Variants in RFTN2 observed in about 807,000 individuals in gnomAD.
The protein encoded by RFTN2 is raftlin-2.
In RFTN2, 34 loss-of-function variants were observed where a neutral mutation model predicts 52.7. The observed-to-expected ratio is 0.64, with a 90% CI of 0.49 to 0.86. RFTN2 has a LOEUF of 0.86. RFTN2 is among the 40% of genes least tolerant of loss of function. The pLI is 0.00. For synonymous variants in RFTN2, 203 were observed against 217.7 expected (o/e 0.93, Z 0.59); for missense variants, 536 against 600.1 (o/e 0.89, Z 1.12).
chr2:197,662,647 C>T (rs13394214), intron 1 of RFTN2, among the ~76,000 whole-genome samples: 107,566 of 151,778 alleles, frequency 0.71, 38,802 homozygotes, highest in Middle Eastern at 0.86. Context: ...GAAAATGACA[C>T]TGGTATTTTG....
At chr2:197,600,728 T>C (rs771211290) in intron 7 of RFTN2, among the ~76,000 whole-genome samples, 3 of 152,184 alleles carry the variant, frequency 2.0e-5, no homozygotes, top group Non-Finnish European at 4.4e-5. Context: ...ACATCTCTTA[T>C]TCCCTACAAA....
rs1460091144 is a variant in RFTN2 at position 197,568,445 on chromosome 2, CTGG to C, written c.*3560_*3562del. ...CTCAGAACTTAAATATCTGACAGAC[CTGG>C]TTCTGCAAACTTTGCACTATTACAC... On this transcript the variant is annotated 3_prime_UTR_variant, in exon 9 of 9. Transcript: ENST00000295049. The C allele has an allele frequency of 6.6e-6, 1 of 152,126 alleles. No individual in the cohort carries two copies. Among genetic ancestry groups the C allele is most frequent in the Non-Finnish European group, 1.5e-5 (1 of 68,012 alleles). 9.4% of individuals were successfully genotyped at this position (152,126 alleles called of 1,614,324 possible).
rs2087288460 is a variant in RFTN2, at chr2:197,569,886, T to TAAGCCGAGATTGCAGC, written c.*2106_*2121dup. 8.4e-6 allele frequency: 1 copy of TAAGCCGAGATTGCAGC among 118,828 alleles called. No individual in the cohort carries two copies. Among genetic ancestry groups the TAAGCCGAGATTGCAGC allele is most frequent in the Non-Finnish European group, 1.6e-5 (1 of 62,510 alleles). The allele number at this position is 118,828 out of a possible 1,614,324, so 7.4% of individuals were successfully genotyped here. Reference sequence around the variant, plus strand: ...TGAACCTGGGAGGCGGAGGTTGCAGTAAGCCGAGATTGCAGCCTGGGTGAC... The same window carrying TAAGCCGAGATTGCAGC: ...TGAACCTGGGAGGCGGAGGTTGCAGTAAGCCGAGATTGCAGCAAGCCGAGATTGCAGCCTGGGTGAC... On this transcript the variant is annotated 3_prime_UTR_variant, in exon 9 of 9. Coordinates refer to ENST00000295049, the MANE Select transcript of RFTN2 (RefSeq NM_144629.3).
chr2:197,612,770 C>T (rs1235958650), intron 7 of RFTN2, among the ~76,000 whole-genome samples: 1 of 152,136 alleles, frequency 6.6e-6, no homozygotes, highest in Non-Finnish European at 1.5e-5. Context: ...ACAACTTTAA[C>T]CTAGGGACGT....
Position 197,675,013 on chromosome 2 carries a change from A to G in RFTN2, c.139+307T>C, listed in dbSNP as rs570368895. ...AAACTGTCACTAAGGCTATATAGCT[A>G]TTTGTCCTGGAAATCAAGCATTTTT... is the stretch of plus-strand genomic sequence containing the variant. On this transcript the variant is annotated intron_variant, in intron 1 of 8. Coordinates refer to ENST00000295049, the MANE Select transcript of RFTN2 (RefSeq NM_144629.3). Among the ~76,000 whole-genome samples, 93 of 152,294 alleles carry G rather than the reference A, an allele frequency of 6.1e-4. 1 individual carries two copies. Among genetic ancestry groups the G allele is most frequent in the Non-Finnish European group, 1.2e-3 (79 of 68,022 alleles).
chr2:197,641,742 C>T (rs2045244), intron 3 of RFTN2, among the ~76,000 whole-genome samples: 25,930 of 152,178 alleles, frequency 0.17, 2,458 homozygotes, highest in Middle Eastern at 0.27. Flanking sequence ...ACAACCAACT[C>T]TTTACACAAG....
At chr2:197,610,334 C>T (rs1382326244) in intron 7 of RFTN2, among the ~76,000 whole-genome samples, 1 of 151,798 alleles carries the variant, frequency 6.6e-6, no homozygotes, top group Non-Finnish European at 1.5e-5. Flanking sequence ...TCCTTCACAT[C>T]CCTTGTAAGT....
chr2:197,632,816 C>G lies in RFTN2; in HGVS notation c.718+902G>C, dbSNP rs182558800. On this transcript the variant is annotated intron_variant, in intron 4 of 8. Coordinates refer to ENST00000295049, the MANE Select transcript of RFTN2 (RefSeq NM_144629.3). The stretch of plus-strand genomic sequence containing the variant: ...GATGCTAAGCACATCAAAACATAAC[C>G]CAGAAAGCCTGACACCAAGGCGTGC... Among the ~76,000 whole-genome samples the G allele has an allele frequency of 5.9e-5, 9 of 152,218 alleles. No individual in the cohort carries two copies. In the East Asian group the frequency reaches 1.4e-3, roughly 23 times the overall value.
At chr2:197,591,693 G>A (rs1192497733) in intron 8 of RFTN2, among the ~76,000 whole-genome samples, 1 of 152,188 alleles carries the variant, frequency 6.6e-6, no homozygotes. Context: ...CAGGTCCTGA[G>A]CCCTGCCCGG....
At chr2:197,657,508 A>G (rs1448381397) in intron 1 of RFTN2, among the ~76,000 whole-genome samples, 1 of 152,154 alleles carries the variant, frequency 6.6e-6, no homozygotes, top group Non-Finnish European at 1.5e-5. Flanking sequence ...TCCTCACTCT[A>G]TAGGCACAGC....
intron 7 of RFTN2, among the ~76,000 whole-genome samples, chr2:197,614,883 C>T (rs999940891): frequency 1.3e-5 from 2 of 152,204 alleles, no homozygotes; most frequent in Non-Finnish European, 1.5e-5. Context: ...AAGGAGTCAT[C>T]ACTCAATTTG....
chr2:197,582,761 C>T (rs1409421410), intron 8 of RFTN2, among the ~76,000 whole-genome samples: 1 of 151,772 alleles, frequency 6.6e-6, no homozygotes. Flanking sequence ...ATAAAATAGG[C>T]CTCTTCTCAA....
chr2:197,655,857 C>A (rs190009615), intron 1 of RFTN2, among the ~76,000 whole-genome samples: 51 of 152,106 alleles, frequency 3.4e-4, no homozygotes, highest in South Asian at 8.3e-4. Flanking sequence ...TTGTTTTGGG[C>A]CCACTGCTTT....
chr2:197,603,086 G>C (rs2087904227), intron 7 of RFTN2, among the ~76,000 whole-genome samples: 1 of 152,238 alleles, frequency 6.6e-6, no homozygotes, highest in African/African-American at 2.4e-5. Flanking sequence ...GGTGCAGGGA[G>C]TGGGGAGAGA....
In RFTN2 at chr2:197,599,733, G is replaced by C. The variant is rs114557357; in HGVS notation, c.1155-3664C>G. On this transcript the variant is annotated intron_variant, in intron 7 of 8. Transcript: ENST00000295049. ...GAGAGGTGAAACATGTGGCACAGGG[G>C]AGGGCGAACCCTCCACAGCTACTTC... is the stretch of plus-strand genomic sequence containing the variant. 9.4e-3 allele frequency among the ~76,000 whole-genome samples: 1,432 copies of C among 152,318 alleles called. 33 individuals carry two copies. The highest frequency in any genetic ancestry group is 0.032 in the African/African-American group (1,319 of 41,556).
In RFTN2 at chr2:197,605,409, G is replaced by A. The variant is rs564959909; in HGVS notation, c.1155-9340C>T. Among the ~76,000 whole-genome samples the A allele has an allele frequency of 1.1e-3, 167 of 152,142 alleles. 6 individuals are homozygous for A. In the South Asian group the frequency reaches 0.034, roughly 31 times the overall value. ...TTTTTGTATTTTTAGTAGAGACGGGGTTTCACTGTGTTAGCCAGGATGATC... is the reference window on the plus strand; with the variant it reads ...TTTTTGTATTTTTAGTAGAGACGGGATTTCACTGTGTTAGCCAGGATGATC... On this transcript the variant is annotated intron_variant, in intron 7 of 8. Coordinates refer to ENST00000295049, the MANE Select transcript of RFTN2 (RefSeq NM_144629.3).
chr2:197,619,747 A>T (rs1057175083), intron 5 of RFTN2, among the ~76,000 whole-genome samples: 5 of 144,824 alleles, frequency 3.5e-5, no homozygotes, highest in South Asian at 4.2e-4. Flanking sequence ...AATTAAAAAA[A>T]AAAAATAATA....
At chr2:197,631,610 T>A (rs781639452) in intron 4 of RFTN2, among the ~76,000 whole-genome samples, 1 of 152,348 alleles carries the variant, frequency 6.6e-6, no homozygotes, top group Non-Finnish European at 1.5e-5. Flanking sequence ...CAACATGCCT[T>A]TGAAATGTAA....
chr2:197,633,927 A>T lies in RFTN2; in HGVS notation c.509T>A (p.Phe170Tyr), dbSNP rs768011095. Reference protein sequence around the residue: ...FISQHYSPSKFCNGTNHDGDI... With the variant: ...FISQHYSPSKYCNGTNHDGDI... The stretch of plus-strand genomic sequence containing the variant: ...TCCATCATGGTTGGTTCCATTGCAG[A>T]ATTTAGATGGAGAATAATGCTGTGA... The change falls in exon 4 of 9, where the codon TTC becomes TAC. Residue 170 changes from phenylalanine to tyrosine, a missense_variant. Physicochemically the swap from Phe to Tyr is conservative, Grantham distance 22. Transcript: ENST00000295049. 6 of 1,613,506 alleles carry T rather than the reference A, an allele frequency of 3.7e-6. No homozygotes were observed. The South Asian group carries it at 6.6e-5, about 18-fold the overall frequency.
Sources: allele counts gnomAD v4.1 joint callset (sites outside exome capture counted in the v4.1 genomes callset), GRCh38; gene constraint gnomAD v4.1.1; transcripts MANE v1.5; gene names NCBI Gene and HGNC (gene_info 2026-07-23, HGNC 2026-07-21).